Variants in UBE2E2 observed in about 807,000 individuals in gnomAD.
The protein encoded by UBE2E2 is ubiquitin-conjugating enzyme E2 E2.
A neutral mutation model predicts 24.7 loss-of-function variants in UBE2E2; 6 were observed. The ratio of observed to expected loss-of-function variants is 0.24; its 90% CI spans 0.13 to 0.48. UBE2E2 has a LOEUF of 0.48. UBE2E2 is among the 20% of genes least tolerant of loss of function. The pLI is 0.99. For synonymous variants in UBE2E2, 104 were observed against 83.6 expected (o/e 1.24, Z -1.33); for missense variants, 169 against 245.0 (o/e 0.69, Z 2.07).
chr3:23,298,768 G>A (rs1698985718), intron 3 of UBE2E2, among the ~76,000 whole-genome samples: 1 of 151,952 alleles, frequency 6.6e-6, no homozygotes, highest in Admixed American at 6.6e-5. Context: ...TTGTGTCTCT[G>A]CCAGGCTTTG....
At chr3:23,560,439 G>C (rs1201545035) in intron 5 of UBE2E2, among the ~76,000 whole-genome samples, 1 of 152,060 alleles carries the variant, frequency 6.6e-6, no homozygotes, top group Non-Finnish European at 1.5e-5. Flanking sequence ...GTGTATATGT[G>C]CCACATTTTC....
In UBE2E2 at chr3:23,480,952, G is replaced by A. The variant is rs531132139; in HGVS notation, c.228-18656G>A. ...GGGGGACATCCTGCATTTTGTTGGC[G>A]GTCTAGAAACAAAGATTTATTGTTT... On this transcript the variant is annotated intron_variant, in intron 3 of 5. Transcript: ENST00000396703. Among the ~76,000 whole-genome samples, 10 of 151,940 alleles carry A rather than the reference G, an allele frequency of 6.6e-5. No individual in the cohort carries two copies. In the South Asian group the frequency reaches 1.2e-3, roughly 19 times the overall value.
At chr3:23,544,941 C>A (rs1377750540) in intron 5 of UBE2E2, among the ~76,000 whole-genome samples, 1 of 152,260 alleles carries the variant, frequency 6.6e-6, no homozygotes, top group Non-Finnish European at 1.5e-5. Context: ...GTCTTTGCAT[C>A]ATAGACAAGG....
intron 3 of UBE2E2, among the ~76,000 whole-genome samples, chr3:23,419,881 G>T (rs1160408572): frequency 6.6e-6 from 1 of 152,106 alleles, no homozygotes; most frequent in Admixed American, 6.5e-5. Flanking sequence ...CCTCTCTCTT[G>T]CTCAGGTCTG....
At chr3:23,547,850 C>T (rs1695558023) in intron 5 of UBE2E2, among the ~76,000 whole-genome samples, 1 of 152,150 alleles carries the variant, frequency 6.6e-6, no homozygotes, top group Non-Finnish European at 1.5e-5. Context: ...ACTACCCACC[C>T]AGCCCTAAGG....
chr3:23,213,702 T>C (rs1559441231), intron 2 of UBE2E2, among the ~76,000 whole-genome samples: 1 of 152,132 alleles, frequency 6.6e-6, no homozygotes, highest in Non-Finnish European at 1.5e-5. Context: ...TTGTTTGACT[T>C]AGCAAGATAA....
chr3:23,319,179 G>A (rs920071181), intron 3 of UBE2E2, among the ~76,000 whole-genome samples: 5 of 152,178 alleles, frequency 3.3e-5, no homozygotes, highest in African/African-American at 1.2e-4. Context: ...AGTGAAATTG[G>A]TTAAAATCTG....
chr3:23,390,662 A>G (rs989935316), intron 3 of UBE2E2, among the ~76,000 whole-genome samples: 1 of 152,176 alleles, frequency 6.6e-6, no homozygotes, highest in Non-Finnish European at 1.5e-5. Flanking sequence ...TAATTGTAAC[A>G]TACCCTTAGA....
At chr3:23,425,969 C>T (rs1371889614) in intron 3 of UBE2E2, among the ~76,000 whole-genome samples, 2 of 152,088 alleles carry the variant, frequency 1.3e-5, no homozygotes, top group African/African-American at 4.8e-5. Flanking sequence ...AAACAACTAT[C>T]ATTAAAATAC....
At chr3:23,541,029 A>G (rs1695385864) in intron 5 of UBE2E2, among the ~76,000 whole-genome samples, 1 of 152,254 alleles carries the variant, frequency 6.6e-6, no homozygotes, top group Non-Finnish European at 1.5e-5. Flanking sequence ...TGGAAATTCC[A>G]ATCTGAAACA....
intron 3 of UBE2E2, among the ~76,000 whole-genome samples, chr3:23,296,539 A>T (rs1218831703): frequency 6.6e-6 from 1 of 152,118 alleles, no homozygotes; most frequent in African/African-American, 2.4e-5. Context: ...ATTCCCACCT[A>T]TAACTGAGAA....
intron 3 of UBE2E2, among the ~76,000 whole-genome samples, chr3:23,379,666 C>A (rs1008019653): frequency 6.6e-6 from 1 of 151,748 alleles, no homozygotes; most frequent in African/African-American, 2.4e-5. Flanking sequence ...TGGGTTGGTT[C>A]CAAGATTATG....
At chr3:23,231,970 C>T (rs1295692512) in intron 3 of UBE2E2, among the ~76,000 whole-genome samples, 3 of 152,204 alleles carry the variant, frequency 2.0e-5, no homozygotes, top group African/African-American at 7.2e-5. Flanking sequence ...TTTACGTCAG[C>T]CTCCATGTGT....
intron 3 of UBE2E2, among the ~76,000 whole-genome samples, chr3:23,298,044 A>G (rs946869122): frequency 2.6e-5 from 4 of 151,646 alleles, no homozygotes; most frequent in African/African-American, 9.7e-5. Flanking sequence ...ATTCTCTTTG[A>G]AGCAATTGTG....
intron 3 of UBE2E2, among the ~76,000 whole-genome samples, chr3:23,272,886 A>T (rs544410406): frequency 2.0e-5 from 3 of 152,310 alleles, no homozygotes; most frequent in African/African-American, 7.2e-5. Context: ...CCCAAGTTTC[A>T]GTTTGAGTCC....
intron 3 of UBE2E2, among the ~76,000 whole-genome samples, chr3:23,471,647 G>A (rs1427686117): frequency 6.6e-6 from 1 of 152,176 alleles, no homozygotes; most frequent in East Asian, 1.9e-4. Flanking sequence ...AAAGCAGTCT[G>A]GGCCTTAAAA....
At chr3:23,441,492 T>C (rs1382372905) in intron 3 of UBE2E2, among the ~76,000 whole-genome samples, 1 of 139,130 alleles carries the variant, frequency 7.2e-6, no homozygotes, top group Non-Finnish European at 1.5e-5. Flanking sequence ...TGAGCCGAGA[T>C]CGCGCCACTG....
intron 3 of UBE2E2, among the ~76,000 whole-genome samples, chr3:23,332,873 C>G (rs1227353069): frequency 1.3e-5 from 2 of 152,166 alleles, no homozygotes; most frequent in Non-Finnish European, 2.9e-5. Flanking sequence ...AGAAACCCAG[C>G]ACTTTATAAG....
At chr3:23,433,648 T>C (rs1698116872) in intron 3 of UBE2E2, among the ~76,000 whole-genome samples, 1 of 150,984 alleles carries the variant, frequency 6.6e-6, no homozygotes, top group Non-Finnish European at 1.5e-5. Context: ...CTTGTCTTTA[T>C]GACTTTTTTT....
Sources: gnomAD v4.1 joint callset for allele counts (sites outside exome capture counted in the v4.1 genomes callset) on GRCh38, gnomAD v4.1.1 for gene constraint, MANE v1.5 for transcripts, NCBI Gene and HGNC (gene_info 2026-07-23, HGNC 2026-07-21) for gene names.